Variants in ZNF813 observed in about 807,000 individuals in gnomAD.
ZNF813 encodes the protein zinc finger protein 813.
In ZNF813, 3 loss-of-function variants were observed where a neutral mutation model predicts 7.2. That is an observed-to-expected ratio of 0.42 (90% CI 0.19 to 1.08). The LOEUF is 1.08. ZNF813 is among the 50% of genes least tolerant of loss of function. ZNF813 has a pLI of 0.30. For synonymous variants in ZNF813, 227 were observed against 256.3 expected (o/e 0.89, Z 1.09); for missense variants, 714 against 753.3 (o/e 0.95, Z 0.61).
At chr19:53,485,665 T>TAC (rs577155833) in intron 2 of ZNF813, among the ~76,000 whole-genome samples, 2 of 151,784 alleles carry the variant, frequency 1.3e-5, no homozygotes, top group African/African-American at 2.4e-5. Context: ...TATATACACA[T>TAC]ACACACACAA....
intron 1 of ZNF813, among the ~76,000 whole-genome samples, chr19:53,477,196 T>G (rs1297917700): frequency 1.3e-5 from 2 of 152,174 alleles, no homozygotes; most frequent in African/African-American, 4.8e-5. Context: ...CATGCAAATC[T>G]TGCACCAGCC....
chr19:53,469,288 C>A (rs2708722), intron 1 of ZNF813, among the ~76,000 whole-genome samples: 23,350 of 152,004 alleles, frequency 0.15, 2,143 homozygotes, highest in South Asian at 0.21. Context: ...TTTCTGCATC[C>A]ACAAAGTAAC....
intron 1 of ZNF813, among the ~76,000 whole-genome samples, chr19:53,475,666 A>T (rs2086378683): frequency 6.6e-6 from 1 of 152,190 alleles, no homozygotes; most frequent in Non-Finnish European, 1.5e-5. Flanking sequence ...TTAATTTGCT[A>T]GCTTCCTGTG....
At chr19:53,489,940 C>A (rs2086451047) in intron 3 of ZNF813, among the ~76,000 whole-genome samples, 1 of 152,132 alleles carries the variant, frequency 6.6e-6, no homozygotes, top group African/African-American at 2.4e-5. Context: ...TTTTGGTTAT[C>A]CTTACATGAG....
At chr19:53,470,843 A>T (rs2086355150) in intron 1 of ZNF813, among the ~76,000 whole-genome samples, 1 of 152,056 alleles carries the variant, frequency 6.6e-6, no homozygotes, top group Non-Finnish European at 1.5e-5. Context: ...AGGTAGTCGA[A>T]AGCTAATCTA....
intron 1 of ZNF813, chr19:53,479,618 C>T (rs2086397870): frequency 1.6e-6 from 2 of 1,217,216 alleles, no homozygotes; most frequent in East Asian, 2.4e-5. Flanking sequence ...GAGAGAGATA[C>T]AAAGGTTATT....
intron 1 of ZNF813, among the ~76,000 whole-genome samples, chr19:53,473,821 C>T (rs374454170): frequency 2.0e-5 from 3 of 152,148 alleles, no homozygotes; most frequent in Admixed American, 6.5e-5. Context: ...TTGGAGAGGC[C>T]GACTGAACGA....
At chr19:53,474,251 T>C (rs1158620291) in intron 1 of ZNF813, among the ~76,000 whole-genome samples, 1 of 152,202 alleles carries the variant, frequency 6.6e-6, no homozygotes, top group African/African-American at 2.4e-5. Context: ...CGGTAAAGTT[T>C]ATAACCAAGT....
chr19:53,488,181 T>A (rs1402882213), intron 3 of ZNF813: 7 of 449,500 alleles, frequency 1.6e-5, no homozygotes, highest in Non-Finnish European at 3.1e-5. Flanking sequence ...TGTGCCACCA[T>A]GCCTGGCTAA....
intron 2 of ZNF813, among the ~76,000 whole-genome samples, chr19:53,486,344 G>C (rs1188682341): frequency 1.3e-5 from 2 of 151,998 alleles, no homozygotes; most frequent in African/African-American, 2.4e-5. Flanking sequence ...CTACTCAGGA[G>C]GCTAAGGCAG....
chr19:53,486,981 GTT>G lies in ZNF813; in HGVS notation c.142+245_142+246del, dbSNP rs67693797. The stretch of plus-strand genomic sequence containing the variant: ...GTGACCATGTCCGGCTACTTTTTTA[GTT>G]TTTTTTTTTTTTTTTTTTTTTAGAG... On this transcript the variant is annotated intron_variant, in intron 3 of 3. Coordinates refer to ENST00000396403, the MANE Select transcript of ZNF813 (RefSeq NM_001004301.4). 3.8e-3 allele frequency among the ~76,000 whole-genome samples: 328 copies of G among 86,050 alleles called. 1 individual carries two copies. The highest frequency in any genetic ancestry group is 0.012 in the African/African-American group (284 of 24,628). The allele number at this position is 86,050 out of a possible 152,430, so 56.5% of individuals were successfully genotyped here. A position where few individuals can be genotyped will look rare whatever the true frequency, so the allele number is the denominator to read the frequency against.
intron 3 of ZNF813, among the ~76,000 whole-genome samples, chr19:53,489,104 T>G (rs573206320): frequency 4.5e-4 from 69 of 152,010 alleles, no homozygotes; most frequent in African/African-American, 1.6e-3. Flanking sequence ...CCTCCTGGGT[T>G]CAAGTGATTC....
At chr19:53,470,191 C>G (rs1362062403) in intron 1 of ZNF813, among the ~76,000 whole-genome samples, 1 of 120,300 alleles carries the variant, frequency 8.3e-6, no homozygotes, top group Non-Finnish European at 1.8e-5. Context: ...CTTTCTTTCA[C>G]TCTTGTTCTA....
In ZNF813 at chr19:53,492,960, A is replaced by G. The variant is rs1272045844; in HGVS notation, c.*874A>G. Reference sequence around the variant, plus strand: ...ATGCACACTGGACGGAAATCTTACAAATGTCATCAGTGTGGCAAGGTTTTC... The same window carrying G: ...ATGCACACTGGACGGAAATCTTACAGATGTCATCAGTGTGGCAAGGTTTTC... On this transcript the variant is annotated 3_prime_UTR_variant, in exon 4 of 4. Transcript: ENST00000396403. 3 of 468,430 alleles carry G rather than the reference A, an allele frequency of 6.4e-6. No individual in the cohort carries two copies. The highest frequency in any genetic ancestry group is 1.3e-4 in the East Asian group (2 of 15,254). 29.0% of individuals were successfully genotyped at this position (468,430 alleles called of 1,614,324 possible).
chr19:53,487,944 A>G (rs1485243741), intron 3 of ZNF813, among the ~76,000 whole-genome samples: 1 of 152,156 alleles, frequency 6.6e-6, no homozygotes, highest in Non-Finnish European at 1.5e-5. Context: ...CTTTTAAATA[A>G]TAGAAAAAAA....
intron 2 of ZNF813, among the ~76,000 whole-genome samples, chr19:53,485,574 G>A (rs943238350): frequency 2.2e-5 from 3 of 137,240 alleles, no homozygotes; most frequent in Non-Finnish European, 4.8e-5. Context: ...ATATATACAT[G>A]TATGTCATGA....
At position 53,479,780 on chromosome 19, in the gene ZNF813, T is replaced by C. The variant is rs2447881; in HGVS notation, c.-73-3970T>C. On this transcript the variant is annotated intron_variant, in intron 1 of 3. Coordinates refer to ENST00000396403, the MANE Select transcript of ZNF813 (RefSeq NM_001004301.4). ...AAGAGACATGGAATGCACAGAAGAA[T>C]GAGCTGAGCTGGCAGAGTCCCGTTG... The C allele has an allele frequency of 1.1e-4, 144 of 1,260,470 alleles. No individual in the cohort carries two copies. The African/African-American group carries it at 1.3e-3, about 11-fold the overall frequency. 78.1% of individuals were successfully genotyped at this position (1,260,470 alleles called of 1,614,324 possible). A position where few individuals can be genotyped will look rare whatever the true frequency, so the allele number is the denominator to read the frequency against.
In ZNF813 at chr19:53,492,101, ACAT is replaced by A. The variant is rs2086466897; in HGVS notation, c.*22_*24del. On this transcript the variant is annotated 3_prime_UTR_variant, in exon 4 of 4. Coordinates refer to ENST00000396403, the MANE Select transcript of ZNF813 (RefSeq NM_001004301.4). ...CTTTTAATTGAAAAGCAAAGCTTGCACATCATCATACAATTCATACTGGAAAGA... is the reference window on the plus strand; with the variant it reads ...CTTTTAATTGAAAAGCAAAGCTTGCACATCATACAATTCATACTGGAAAGA... The A allele has an allele frequency of 1.9e-6, 3 of 1,600,816 alleles. No homozygotes were observed. Among genetic ancestry groups the A allele is most frequent in the South Asian group, 1.1e-5 (1 of 89,682 alleles).
At chr19:53,472,602 C>T (rs2086364476) in intron 1 of ZNF813, among the ~76,000 whole-genome samples, 1 of 125,726 alleles carries the variant, frequency 8.0e-6, no homozygotes, top group Non-Finnish European at 1.7e-5. Context: ...ATTATAAGTA[C>T]AAGTCTTTCT....
Sources: allele counts gnomAD v4.1 joint callset (sites outside exome capture counted in the v4.1 genomes callset), GRCh38; gene constraint gnomAD v4.1.1; transcripts MANE v1.5; gene names NCBI Gene and HGNC (gene_info 2026-07-23, HGNC 2026-07-21).